Variants in TCF7L1 observed in about 807,000 individuals in gnomAD.
TCF7L1 encodes the protein transcription factor 7-like 1.
In TCF7L1, 18 loss-of-function variants were observed where a neutral mutation model predicts 63.7. That is an observed-to-expected ratio of 0.28 (90% CI 0.20 to 0.42). The LOEUF is 0.42. Ranked by LOEUF, TCF7L1 falls within the 10% of genes least tolerant of loss-of-function variation. The probability of loss-of-function intolerance (pLI) is 1.00; values close to 1 mark genes in which losing one functional copy is unlikely to be tolerated. For synonymous variants in TCF7L1, 355 were observed against 340.9 expected (o/e 1.04, Z -0.46); for missense variants, 654 against 779.3 (o/e 0.84, Z 1.91).
intron 7 of TCF7L1, 115 bp downstream of exon 7, chr2:85,304,453 C>T (rs1436473992): frequency 1.4e-5 from 15 of 1,073,212 alleles, no homozygotes; most frequent in Non-Finnish European, 1.9e-5. Flanking sequence ...CACCCTCCCC[C>T]CACCTCTCTT....
intron 3 of TCF7L1, among the ~76,000 whole-genome samples, chr2:85,181,863 G>A (rs1274990695): frequency 6.6e-6 from 1 of 152,142 alleles, no homozygotes. Context: ...CAAGTGTCTT[G>A]TGTTCAGTGC....
At chr2:85,247,245 C>T (rs1334169617) in intron 3 of TCF7L1, among the ~76,000 whole-genome samples, 1 of 152,126 alleles carries the variant, frequency 6.6e-6, no homozygotes, top group Admixed American at 6.5e-5. Context: ...TCACCATGAC[C>T]GCTATTATTA....
intron 3 of TCF7L1, among the ~76,000 whole-genome samples, chr2:85,202,377 T>C (rs111356186): frequency 0.025 from 3,754 of 152,298 alleles, 159 homozygotes; most frequent in African/African-American, 0.085. Context: ...TTGCAAATAT[T>C]TTCTCTCATT....
chr2:85,180,780 C>T (rs1186417958), intron 3 of TCF7L1, among the ~76,000 whole-genome samples: 1 of 152,216 alleles, frequency 6.6e-6, no homozygotes, highest in Non-Finnish European at 1.5e-5. Context: ...AGCCCCAACA[C>T]ATAGGTTAGG....
In TCF7L1 at chr2:85,298,792, C is replaced by T. The variant is rs147241091; in HGVS notation, c.526-3692C>T. Among the ~76,000 whole-genome samples, 1,205 of 152,150 alleles carry T rather than the reference C, an allele frequency of 7.9e-3. 16 individuals are homozygous for T. The highest frequency in any genetic ancestry group is 0.011 in the Non-Finnish European group (738 of 67,984). Reference sequence around the variant, plus strand: ...GGTGGTTCCCTACATTCCTAGTCCTCGGTTTGGGTATATGCTGTGAACATC... The same window carrying T: ...GGTGGTTCCCTACATTCCTAGTCCTTGGTTTGGGTATATGCTGTGAACATC... On this transcript the variant is annotated intron_variant, in intron 4 of 11. Transcript: ENST00000282111.
chr2:85,201,150 C>G (rs1178468351), intron 3 of TCF7L1, among the ~76,000 whole-genome samples: 1 of 152,152 alleles, frequency 6.6e-6, no homozygotes, highest in Non-Finnish European at 1.5e-5. Context: ...TTGCAGTGAG[C>G]CAAGATCACA....
At chr2:85,162,139 G>C (rs753647431) in intron 3 of TCF7L1, among the ~76,000 whole-genome samples, 4 of 152,134 alleles carry the variant, frequency 2.6e-5, no homozygotes, top group African/African-American at 9.6e-5. Flanking sequence ...GGAGGCTGAG[G>C]CAGGAGGGTT....
intron 3 of TCF7L1, among the ~76,000 whole-genome samples, chr2:85,173,599 G>A (rs1678604248): frequency 6.6e-6 from 1 of 152,114 alleles, no homozygotes; most frequent in South Asian, 2.1e-4. Context: ...CAAGAGACAG[G>A]GATATCGAAG....
At chr2:85,203,154 G>C (rs1363787301) in intron 3 of TCF7L1, among the ~76,000 whole-genome samples, 1 of 152,110 alleles carries the variant, frequency 6.6e-6, no homozygotes, top group Non-Finnish European at 1.5e-5. Context: ...TAACTCTTAT[G>C]AAAGGTTAAA....
intron 3 of TCF7L1, among the ~76,000 whole-genome samples, chr2:85,201,384 A>G (rs1469445773): frequency 6.6e-6 from 1 of 152,222 alleles, no homozygotes; most frequent in Non-Finnish European, 1.5e-5. Flanking sequence ...TGATAGATTT[A>G]TGGATATTTG....
intron 3 of TCF7L1, among the ~76,000 whole-genome samples, chr2:85,164,486 G>T (rs1171948207): frequency 6.6e-6 from 1 of 152,154 alleles, no homozygotes; most frequent in African/African-American, 2.4e-5. Flanking sequence ...CATCTCATTA[G>T]TGAACAGGTT....
intron 3 of TCF7L1, among the ~76,000 whole-genome samples, chr2:85,240,726 A>G (rs1680301145): frequency 6.6e-6 from 1 of 151,810 alleles, no homozygotes; most frequent in Admixed American, 6.6e-5. Context: ...CAGTGAGCCA[A>G]GATCACACCA....
At chr2:85,177,510 G>T (rs190695808) in intron 3 of TCF7L1, among the ~76,000 whole-genome samples, 1 of 151,954 alleles carries the variant, frequency 6.6e-6, no homozygotes, top group Non-Finnish European at 1.5e-5. Context: ...TTTGAAAGTG[G>T]CCTGGGCAAG....
intron 3 of TCF7L1, among the ~76,000 whole-genome samples, chr2:85,154,164 G>C (rs1175590971): frequency 1.3e-5 from 2 of 152,206 alleles, no homozygotes; most frequent in Admixed American, 1.3e-4. Flanking sequence ...GTTACTGGGA[G>C]TATGTGAGCA....
chr2:85,208,755 A>G (rs1473892967), intron 3 of TCF7L1, among the ~76,000 whole-genome samples: 1 of 152,156 alleles, frequency 6.6e-6, no homozygotes, highest in Non-Finnish European at 1.5e-5. Context: ...TGGGAAAAAG[A>G]TATTTATGGG....
intron 3 of TCF7L1, among the ~76,000 whole-genome samples, chr2:85,259,138 ACACAGTGGCTGCGCATGGTGGATG>A (rs1421468379): frequency 6.6e-6 from 1 of 152,232 alleles, no homozygotes; most frequent in East Asian, 1.9e-4. Flanking sequence ...ACAGCACCAC[ACACAGTGGCTGCGCATGGTGGATG>A]CACAGTGAGT....
intron 4 of TCF7L1, among the ~76,000 whole-genome samples, chr2:85,292,841 G>A (rs971321844): frequency 2.6e-5 from 4 of 152,262 alleles, no homozygotes; most frequent in Non-Finnish European, 5.9e-5. Flanking sequence ...GCCTCCCAAA[G>A]TGCTGGGAAT....
chr2:85,269,306 A>C (rs999869446), intron 3 of TCF7L1, among the ~76,000 whole-genome samples: 9 of 152,192 alleles, frequency 5.9e-5, no homozygotes, highest in African/African-American at 2.2e-4. Flanking sequence ...GAATTGATTC[A>C]CTTTTTTCCA....
chr2:85,295,864 G>A (rs1269309200), intron 4 of TCF7L1, among the ~76,000 whole-genome samples: 7 of 131,174 alleles, frequency 5.3e-5, no homozygotes, highest in African/African-American at 1.2e-4. Flanking sequence ...TGCAGCCTCC[G>A]CCTCCTGGGT....
Sources: allele counts gnomAD v4.1 joint callset (sites outside exome capture counted in the v4.1 genomes callset), GRCh38; gene constraint gnomAD v4.1.1; transcripts MANE v1.5; gene names NCBI Gene and HGNC (gene_info 2026-07-23, HGNC 2026-07-21).